Variants in SLCO1B1 observed in about 807,000 individuals in gnomAD.
The protein encoded by SLCO1B1 is solute carrier organic anion transporter family member 1B1.
In SLCO1B1, 81 loss-of-function variants were observed where a neutral mutation model predicts 70.1. The observed-to-expected ratio is 1.16, with a 90% CI of 0.97 to 1.39. The LOEUF (loss-of-function observed/expected upper bound fraction) is 1.39, where lower values mean the gene tolerates loss of function less well. Ranked by LOEUF, SLCO1B1 falls within the 40% of genes most tolerant of loss-of-function variation. The pLI is 0.00. For missense variants in SLCO1B1, 895 were observed against 799.6 expected (o/e 1.12, Z -1.44); for synonymous variants, 283 against 271.5 (o/e 1.04, Z -0.42).
chr12:21,237,200 CCTTT>C (rs761957650), intron 14 of SLCO1B1, among the ~76,000 whole-genome samples: 1 of 151,878 alleles, frequency 6.6e-6, no homozygotes. Flanking sequence ...TTTTATGTTA[CCTTT>C]CTTTATGTAT....
At chr12:21,167,931 C>T (rs1233168245) in intron 2 of SLCO1B1, among the ~76,000 whole-genome samples, 5 of 151,296 alleles carry the variant, frequency 3.3e-5, no homozygotes, top group African/African-American at 1.2e-4. Flanking sequence ...ATTCTCCTGC[C>T]TCAGCCTCCC....
chr12:21,188,383 A>G (rs1327142140), intron 7 of SLCO1B1, among the ~76,000 whole-genome samples: 3 of 152,068 alleles, frequency 2.0e-5, no homozygotes, highest in African/African-American at 4.8e-5. Context: ...TCTTTATAAC[A>G]TTTTTTCTCT....
intron 2 of SLCO1B1, among the ~76,000 whole-genome samples, chr12:21,149,615 C>T (rs566047982): frequency 6.6e-6 from 1 of 152,224 alleles, no homozygotes; most frequent in South Asian, 2.1e-4. Context: ...GAAACTTCCT[C>T]CCCTAGCCAA....
intron 13 of SLCO1B1, among the ~76,000 whole-genome samples, chr12:21,224,194 A>G (rs1315467620): frequency 2.0e-5 from 3 of 152,240 alleles, no homozygotes; most frequent in Non-Finnish European, 2.9e-5. Flanking sequence ...GCCAAAAGCT[A>G]AGCACTCTCT....
At chr12:21,184,918 T>C (rs1940946597) in intron 7 of SLCO1B1, among the ~76,000 whole-genome samples, 1 of 152,084 alleles carries the variant, frequency 6.6e-6, no homozygotes, top group Non-Finnish European at 1.5e-5. Flanking sequence ...CGGAAAGAGA[T>C]CTATCCATGC....
At chr12:21,168,009 G>T (rs748034427) in intron 2 of SLCO1B1, among the ~76,000 whole-genome samples, 1 of 151,234 alleles carries the variant, frequency 6.6e-6, no homozygotes, top group African/African-American at 2.4e-5. Flanking sequence ...TTTTAGTAGA[G>T]ATGGGGTTTC....
rs1380690626 is a variant in SLCO1B1 at position 21,139,893 on chromosome 12, A to G, written c.-61-1621A>G. ...GAGTTGAATGTTTCGAATGGGCCCC[A>G]AAGATAGTGCTGAAGTGCTCTCCGG... On this transcript the variant is annotated intron_variant, in intron 1 of 14. Transcript: ENST00000256958. Among the ~76,000 whole-genome samples the G allele has an allele frequency of 2.6e-5, 4 of 152,032 alleles. No homozygotes were observed. In the South Asian group the frequency reaches 8.3e-4, roughly 31 times the overall value.
chr12:21,217,258 T>A lies in SLCO1B1; in HGVS notation c.1637T>A (p.Phe546Tyr). 1 of 1,613,810 alleles carries A rather than the reference T, an allele frequency of 6.2e-7. No homozygotes were observed. ...FFVAIQVLNLFFSALGGTSHV... is the reference protein window; with the variant it reads ...FFVAIQVLNLYFSALGGTSHV... ...GTTGCAATACAAGTCTTGAATTTAT[T>A]TTTCTCTGCACTTGGAGGCACCTCA... The change falls in exon 12 of 15, where the codon TTT becomes TAT. Residue 546 changes from phenylalanine to tyrosine, a missense_variant. Phe to Tyr is a conservative substitution (Grantham distance 22). Coordinates refer to ENST00000256958, the MANE Select transcript of SLCO1B1 (RefSeq NM_006446.5).
At chr12:21,232,681 C>T (rs1353659814) in intron 14 of SLCO1B1, among the ~76,000 whole-genome samples, 1 of 148,586 alleles carries the variant, frequency 6.7e-6, no homozygotes, top group Non-Finnish European at 1.5e-5. Context: ...TTAATCAGAC[C>T]ACACACACAC....
At chr12:21,232,767 G>C (rs1012542769) in intron 14 of SLCO1B1, among the ~76,000 whole-genome samples, 23 of 152,200 alleles carry the variant, frequency 1.5e-4, no homozygotes, top group African/African-American at 4.8e-4. Context: ...CAGAGAGACA[G>C]AGACCAGAAG....
At chr12:21,215,765 G>C (rs1319398375) in intron 11 of SLCO1B1, among the ~76,000 whole-genome samples, 1 of 152,148 alleles carries the variant, frequency 6.6e-6, no homozygotes, top group Non-Finnish European at 1.5e-5. Flanking sequence ...CAATTTTTCA[G>C]AATAATTTAG....
intron 1 of SLCO1B1, among the ~76,000 whole-genome samples, chr12:21,132,287 T>A (rs1036484412): frequency 6.6e-6 from 1 of 152,132 alleles, no homozygotes; most frequent in Non-Finnish European, 1.5e-5. Context: ...ATAGTGCCGC[T>A]ATAAACATAC....
intron 11 of SLCO1B1, among the ~76,000 whole-genome samples, chr12:21,206,616 T>G (rs1383742514): frequency 2.0e-5 from 3 of 151,934 alleles, no homozygotes; most frequent in African/African-American, 4.8e-5. Context: ...GATAATGTAG[T>G]ATCCTGCTCA....
chr12:21,207,562 G>A (rs992034056), intron 11 of SLCO1B1, among the ~76,000 whole-genome samples: 3 of 151,906 alleles, frequency 2.0e-5, no homozygotes, highest in Non-Finnish European at 2.9e-5. Flanking sequence ...GGTTGAGACC[G>A]TGTCTTTGCT....
At position 21,239,031 on chromosome 12, in the gene SLCO1B1, T is replaced by TA; in HGVS notation, c.1919dup (p.Tyr640Ter). The change falls in exon 15 of 15, where the codon TAT becomes TAAT. Residue 640 changes from tyrosine (Y) to a stop codon, truncating the protein, a stop_gained and frameshift_variant. Transcript: ENST00000256958. LOFTEE classifies it low-confidence loss of function (END_TRUNC). ...SMLRVSSLVLYIILIYAMKKK... is the reference protein window; with the variant it reads ...SMLRVSSLVL ...GTTAAGAGTCTCATCACTTGTTTTATATATTATATTAATTTATGCCATGAA... is the reference window on the plus strand; with the variant it reads ...GTTAAGAGTCTCATCACTTGTTTTATAATATTATATTAATTTATGCCATGAA... The TA allele has an allele frequency of 6.3e-7, 1 of 1,589,110 alleles. No homozygotes were observed.
chr12:21,206,084 T>C lies in SLCO1B1; in HGVS notation c.1497+51T>C, dbSNP rs748256199. ...TCCTTATTCAAAAGCACAGATTAGA[T>C]TGAACAATTTTTTACCAAATATTTC... On this transcript the variant is annotated intron_variant, in intron 11 of 14. Transcript: ENST00000256958. The C allele has an allele frequency of 1.4e-5, 21 of 1,463,682 alleles. 1 individual carries two copies. Among genetic ancestry groups the C allele is most frequent in the East Asian group, 9.1e-5 (4 of 44,024 alleles). The allele number at this position is 1,463,682 out of a possible 1,614,324, so 90.7% of individuals were successfully genotyped here.
intron 11 of SLCO1B1, among the ~76,000 whole-genome samples, chr12:21,212,950 A>T (rs182392128): frequency 0.11 from 16,474 of 151,712 alleles, 1,556 homozygotes; most frequent in East Asian, 0.28. Flanking sequence ...TTTTGAGCCT[A>T]TGTGTGTCTC....
chr12:21,200,600 G>A lies in SLCO1B1; in HGVS notation c.1063G>A (p.Ala355Thr). The change falls in exon 9 of 15, where the codon GCT becomes ACT. Residue 355 changes from alanine to threonine, a missense_variant. Coordinates refer to ENST00000256958, the MANE Select transcript of SLCO1B1 (RefSeq NM_006446.5). ...GTTACAAGTAAGCAGCTATATTGGT[G>A]CTTTTACTTATGTCTTCAAATACGT... ...TLLQVSSYIG[A>T]FTYVFKYVEQ... The A allele has an allele frequency of 6.2e-7, 1 of 1,611,892 alleles. No homozygotes were observed. Among genetic ancestry groups the A allele is most frequent in the South Asian group, 1.1e-5 (1 of 90,936 alleles).
At position 21,190,625 on chromosome 12, in the gene SLCO1B1, T is replaced by G. The variant is rs537351410; in HGVS notation, c.728-6321T>G. Among the ~76,000 whole-genome samples, 12 of 152,336 alleles carry G rather than the reference T, an allele frequency of 7.9e-5. No individual in the cohort carries two copies. In the East Asian group the frequency reaches 2.3e-3, roughly 29 times the overall value. ...TTTGATATTTTACATACCTGAGTAA[T>G]GTACATTGTACCCAATATGTAGTTT... On this transcript the variant is annotated intron_variant, in intron 7 of 14. Coordinates refer to ENST00000256958, the MANE Select transcript of SLCO1B1 (RefSeq NM_006446.5).
Sources: gnomAD v4.1 joint callset for allele counts (sites outside exome capture counted in the v4.1 genomes callset) on GRCh38, gnomAD v4.1.1 for gene constraint, MANE v1.5 for transcripts, NCBI Gene and HGNC (gene_info 2026-07-23, HGNC 2026-07-21) for gene names.